The following CNTNAP2 variants were observed in gnomAD, a reference collection of about 807,000 sequenced individuals.
CNTNAP2 encodes the protein contactin-associated protein-like 2.
CNTNAP2 carries 98 observed loss-of-function variants against 155.2 expected under a neutral mutation model. That is an observed-to-expected ratio of 0.63 (90% CI 0.54 to 0.75). The LOEUF is 0.75. CNTNAP2 is among the 30% of genes least tolerant of loss of function. The pLI, the probability that CNTNAP2 is intolerant of heterozygous loss-of-function variation, is 0.00. For missense variants in CNTNAP2, 1,727 were observed against 1,688.1 expected (o/e 1.02, Z -0.40); for synonymous variants, 651 against 631.2 (o/e 1.03, Z -0.47).
At chr7:148,352,785 G>A (rs1179210596) in intron 21 of CNTNAP2, among the ~76,000 whole-genome samples, 7 of 152,174 alleles carry the variant, frequency 4.6e-5, no homozygotes, top group African/African-American at 9.7e-5. Context: ...ACTGGAAGCC[G>A]CCACTCTCAC....
At chr7:148,052,535 A>G (rs1802913403) in intron 15 of CNTNAP2, among the ~76,000 whole-genome samples, 1 of 152,208 alleles carries the variant, frequency 6.6e-6, no homozygotes, top group Non-Finnish European at 1.5e-5. Context: ...CAGATCAATA[A>G]TCTTTAAAAC....
chr7:147,534,729 T>G (rs1799509599), intron 11 of CNTNAP2, among the ~76,000 whole-genome samples: 1 of 152,162 alleles, frequency 6.6e-6, no homozygotes, highest in African/African-American at 2.4e-5. Context: ...TAAAAACAAG[T>G]GATAATTTCC....
At chr7:147,920,116 T>C (rs1800245249) in intron 14 of CNTNAP2, among the ~76,000 whole-genome samples, 1 of 151,248 alleles carries the variant, frequency 6.6e-6, no homozygotes, top group Non-Finnish European at 1.5e-5. Context: ...CCCAGCACTT[T>C]GGGAGGCCGA....
intron 8 of CNTNAP2, among the ~76,000 whole-genome samples, chr7:147,169,774 T>G (rs1802190030): frequency 6.6e-6 from 1 of 152,278 alleles, no homozygotes; most frequent in Non-Finnish European, 1.5e-5. Flanking sequence ...CTTCTAAAAC[T>G]GAATCAGTAA....
intron 14 of CNTNAP2, among the ~76,000 whole-genome samples, chr7:147,972,337 G>T (rs1022329601): frequency 5.9e-5 from 9 of 152,120 alleles, no homozygotes; most frequent in African/African-American, 2.2e-4. Flanking sequence ...TACTGTATAG[G>T]AAAACTCAGT....
chr7:147,125,352 G>T (rs1801211376), intron 6 of CNTNAP2, among the ~76,000 whole-genome samples: 1 of 152,150 alleles, frequency 6.6e-6, no homozygotes, highest in South Asian at 2.1e-4. Flanking sequence ...CTAAGAGTTT[G>T]TCTCATCCCC....
chr7:146,282,903 T>C (rs1800272232), intron 1 of CNTNAP2, among the ~76,000 whole-genome samples: 1 of 152,232 alleles, frequency 6.6e-6, no homozygotes, highest in African/African-American at 2.4e-5. Flanking sequence ...ATTTGGTAGA[T>C]GATTCCAATG....
chr7:146,474,992 AGCGCGCACGC>A (rs1355431573), intron 1 of CNTNAP2, among the ~76,000 whole-genome samples: 5 of 138,418 alleles, frequency 3.6e-5, no homozygotes, highest in Admixed American at 7.6e-5. Flanking sequence ...CCTGAGCACG[AGCGCGCACGC>A]GCGCGCGCGC....
intron 1 of CNTNAP2, among the ~76,000 whole-genome samples, chr7:146,421,189 G>T (rs1563077333): frequency 6.6e-6 from 1 of 151,912 alleles, no homozygotes; most frequent in African/African-American, 2.4e-5. Flanking sequence ...CCATATAATG[G>T]AATTTATTTT....
At chr7:147,853,279 G>C (rs1266911411) in intron 13 of CNTNAP2, among the ~76,000 whole-genome samples, 1 of 152,150 alleles carries the variant, frequency 6.6e-6, no homozygotes. Context: ...AAGAAGTGCA[G>C]ATTTATTGCA....
chr7:146,980,518 T>G (rs1797994395), intron 3 of CNTNAP2, among the ~76,000 whole-genome samples: 1 of 152,066 alleles, frequency 6.6e-6, no homozygotes, highest in Non-Finnish European at 1.5e-5. Context: ...ACTGGGTAAT[T>G]TATAATGAAA....
intron 9 of CNTNAP2, among the ~76,000 whole-genome samples, chr7:147,388,785 T>A (rs1416272901): frequency 1.3e-5 from 2 of 152,186 alleles, no homozygotes; most frequent in Non-Finnish European, 2.9e-5. Flanking sequence ...TTTCACCATG[T>A]TGGCGAAGCT....
chr7:147,172,733 G>A (rs1427866467), intron 8 of CNTNAP2, among the ~76,000 whole-genome samples: 1 of 152,072 alleles, frequency 6.6e-6, no homozygotes, highest in Non-Finnish European at 1.5e-5. Flanking sequence ...ATTTCTTGGA[G>A]CTAAACTCAA....
At chr7:146,167,281 A>G (rs1798326159) in intron 1 of CNTNAP2, among the ~76,000 whole-genome samples, 4 of 152,232 alleles carry the variant, frequency 2.6e-5, no homozygotes, top group Non-Finnish European at 5.9e-5. Flanking sequence ...TTGGTCATAT[A>G]AATATTACAG....
intron 1 of CNTNAP2, among the ~76,000 whole-genome samples, chr7:146,557,959 A>G (rs1798221153): frequency 6.6e-6 from 1 of 152,214 alleles, no homozygotes; most frequent in African/African-American, 2.4e-5. Flanking sequence ...TCAAACACTT[A>G]TTAGCAATGA....
At chr7:148,022,109 C>T (rs575762368) in intron 15 of CNTNAP2, among the ~76,000 whole-genome samples, 1 of 152,062 alleles carries the variant, frequency 6.6e-6, no homozygotes, top group Non-Finnish European at 1.5e-5. Context: ...TCTGCCCCAA[C>T]CTGATCCAAG....
At chr7:148,149,649 T>A (rs1805260310) in intron 17 of CNTNAP2, among the ~76,000 whole-genome samples, 1 of 152,104 alleles carries the variant, frequency 6.6e-6, no homozygotes, top group South Asian at 2.1e-4. Context: ...CCTCCTGGGT[T>A]CAGGTGATTC....
intron 1 of CNTNAP2, among the ~76,000 whole-genome samples, chr7:146,502,750 A>T (rs1797324226): frequency 6.6e-6 from 1 of 152,020 alleles, no homozygotes; most frequent in Admixed American, 6.6e-5. Context: ...TAGCTGAGGC[A>T]TGCTGCAAGC....
intron 1 of CNTNAP2, among the ~76,000 whole-genome samples, chr7:146,491,302 C>A (rs1292987084): frequency 1.3e-5 from 2 of 151,934 alleles, no homozygotes; most frequent in South Asian, 4.2e-4. Context: ...GGGTTGGGTT[C>A]TGCTCACTTC....
Sources: gnomAD v4.1 joint callset for allele counts (sites outside exome capture counted in the v4.1 genomes callset) on GRCh38, gnomAD v4.1.1 for gene constraint, MANE v1.5 for transcripts, NCBI Gene and HGNC (gene_info 2026-07-23, HGNC 2026-07-21) for gene names.